GLRX3: variants seen among roughly 807,000 people sequenced by gnomAD.
GLRX3 encodes glutaredoxin 3.
In GLRX3, 22 loss-of-function variants were observed where a neutral mutation model predicts 49.5. The ratio of observed to expected loss-of-function variants is 0.44; its 90% CI spans 0.32 to 0.63. The LOEUF (loss-of-function observed/expected upper bound fraction) is 0.63, where lower values mean the gene tolerates loss of function less well. Among genes scored for constraint, GLRX3 ranks in the 30% least tolerant of loss-of-function variants. The pLI is 0.05. For missense variants in GLRX3, 385 were observed against 396.3 expected (o/e 0.97, Z 0.24); for synonymous variants, 133 against 140.0 (o/e 0.95, Z 0.35).
At chr10:130,146,029 G>A (rs779968783) in intron 2 of GLRX3, among the ~76,000 whole-genome samples, 2 of 152,072 alleles carry the variant, frequency 1.3e-5, no homozygotes, top group Non-Finnish European at 2.9e-5. Context: ...TCTTGACCTC[G>A]TGATCTGCTC....
At chr10:130,165,444 T>C (rs1013028689) in intron 4 of GLRX3, among the ~76,000 whole-genome samples, 21 of 152,140 alleles carry the variant, frequency 1.4e-4, no homozygotes, top group Admixed American at 1.3e-3. Flanking sequence ...GTCACAAAAG[T>C]ATAATAAAAT....
intron 10 of GLRX3, 105 bp downstream of exon 10, chr10:130,175,194 T>A: frequency 1.4e-6 from 1 of 719,404 alleles, no homozygotes; most frequent in South Asian, 1.6e-5. Context: ...TGACTCCTGT[T>A]TCCAGCCTGA....
chr10:130,137,919 A>G (rs1343393025), intron 1 of GLRX3, among the ~76,000 whole-genome samples: 1 of 151,854 alleles, frequency 6.6e-6, no homozygotes, highest in Non-Finnish European at 1.5e-5. Context: ...TTTTTTTTAT[A>G]GAGACGAGGT....
At chr10:130,141,064 C>T (rs999091169) in intron 1 of GLRX3, among the ~76,000 whole-genome samples, 14 of 152,126 alleles carry the variant, frequency 9.2e-5, no homozygotes, top group Non-Finnish European at 1.9e-4. Flanking sequence ...TGGCTGGGCA[C>T]GGTGGCTCAT....
chr10:130,168,737 G>T (rs73391524), intron 6 of GLRX3, among the ~76,000 whole-genome samples: 1 of 152,162 alleles, frequency 6.6e-6, no homozygotes, highest in South Asian at 2.1e-4. Context: ...GTGAGCCACC[G>T]CGCCCAACCT....
chr10:130,169,692 G>C (rs1862767409), intron 7 of GLRX3, among the ~76,000 whole-genome samples: 1 of 152,126 alleles, frequency 6.6e-6, no homozygotes, highest in Admixed American at 6.6e-5. Flanking sequence ...ATCTCAGTGG[G>C]GTGCATTTCT....
intron 1 of GLRX3, among the ~76,000 whole-genome samples, chr10:130,139,474 C>G (rs1468141946): frequency 4.6e-5 from 7 of 151,624 alleles, no homozygotes; most frequent in Non-Finnish European, 1.0e-4. Context: ...CCCGTCTTTA[C>G]TAAAGAAAAT....
chr10:130,152,554 T>G (rs1862397898), intron 2 of GLRX3, among the ~76,000 whole-genome samples: 1 of 152,200 alleles, frequency 6.6e-6, no homozygotes, highest in Admixed American at 6.5e-5. Flanking sequence ...TTATTTCTCC[T>G]TCACTTATGA....
intron 2 of GLRX3, among the ~76,000 whole-genome samples, chr10:130,155,392 C>T (rs536634828): frequency 4.6e-5 from 7 of 152,184 alleles, no homozygotes; most frequent in East Asian, 1.9e-4. Context: ...TGGTTTGAAG[C>T]GGGAAGGGTG....
chr10:130,139,220 T>TGCCCAG (rs1862127126), intron 1 of GLRX3, among the ~76,000 whole-genome samples: 1 of 152,132 alleles, frequency 6.6e-6, no homozygotes, highest in Non-Finnish European at 1.5e-5. Context: ...GGCCTGTACT[T>TGCCCAG]GAAATGGCCC....
intron 1 of GLRX3, among the ~76,000 whole-genome samples, chr10:130,140,684 T>G (rs919141798): frequency 1.4e-4 from 22 of 152,348 alleles, no homozygotes; most frequent in African/African-American, 5.3e-4. Context: ...CTTTTCTTTT[T>G]TACTTATTTG....
chr10:130,148,812 C>A (rs529074825), intron 2 of GLRX3, among the ~76,000 whole-genome samples: 1 of 152,180 alleles, frequency 6.6e-6, no homozygotes, highest in African/African-American at 2.4e-5. Flanking sequence ...CCTGTAATCC[C>A]AGCACTTTGG....
Position 130,136,398 on chromosome 10 carries a change from T to G in GLRX3, c.-23T>G, listed in dbSNP as rs963661675. On this transcript the variant is annotated 5_prime_UTR_variant, in exon 1 of 11. In the 5' UTR this introduces an upstream ATG that the reference lacks. Coordinates refer to ENST00000331244, the MANE Select transcript of GLRX3 (RefSeq NM_006541.5). Reference sequence around the variant, plus strand: ...CCACATCCGGCCGCCGGCACTGGATTGCTTCTGTCTGGCGGCGGCAGCATG... The same window carrying G: ...CCACATCCGGCCGCCGGCACTGGATGGCTTCTGTCTGGCGGCGGCAGCATG... The G allele has an allele frequency of 8.0e-7, 1 of 1,247,694 alleles. No homozygotes were observed. The allele number at this position is 1,247,694 out of a possible 1,614,324, so 77.3% of individuals were successfully genotyped here. A position where few individuals can be genotyped will look rare whatever the true frequency, so the allele number is the denominator to read the frequency against.
In GLRX3 at chr10:130,160,642, T is replaced by A. The variant is rs769782634; in HGVS notation, c.277-154T>A. On this transcript the variant is annotated intron_variant, in intron 3 of 10. Transcript: ENST00000331244. The stretch of plus-strand genomic sequence containing the variant: ...TTTCTGAGAAAAGAAAAAAATTATG[T>A]ATTTCTAAAATTGAGATGCAGTGCA... Among the ~76,000 whole-genome samples, 29 of 152,210 alleles carry A rather than the reference T, an allele frequency of 1.9e-4. 1 individual carries two copies. Among genetic ancestry groups the A allele is most frequent in the Non-Finnish European group, 5.9e-5 (4 of 68,036 alleles).
At chr10:130,143,296 T>C (rs1862209441) in intron 1 of GLRX3, among the ~76,000 whole-genome samples, 1 of 152,212 alleles carries the variant, frequency 6.6e-6, no homozygotes, top group African/African-American at 2.4e-5. Flanking sequence ...GTTATTCCTT[T>C]CCTTACCCAT....
At chr10:130,155,320 C>A (rs1862452450) in intron 2 of GLRX3, among the ~76,000 whole-genome samples, 1 of 152,104 alleles carries the variant, frequency 6.6e-6, no homozygotes, top group South Asian at 2.1e-4. Flanking sequence ...GGTCTTATTC[C>A]AAGTGCAATA....
At chr10:130,167,061 C>T in intron 6 of GLRX3, 81 bp downstream of exon 6, 1 of 678,826 alleles carries the variant, frequency 1.5e-6, no homozygotes, top group Non-Finnish European at 2.4e-6. Context: ...TTGCATTGCT[C>T]TTTCTGTGTA....
chr10:130,139,275 C>T (rs942470889), intron 1 of GLRX3, among the ~76,000 whole-genome samples: 3 of 152,000 alleles, frequency 2.0e-5, no homozygotes, highest in Admixed American at 6.6e-5. Context: ...CAAACGGACA[C>T]GTGATAAATG....
chr10:130,147,341 A>C (rs777084206), intron 2 of GLRX3, among the ~76,000 whole-genome samples: 1 of 152,236 alleles, frequency 6.6e-6, no homozygotes, highest in African/African-American at 2.4e-5. Context: ...GGTTTAGGTA[A>C]CACATTGTTC....
Sources: allele counts gnomAD v4.1 joint callset (sites outside exome capture counted in the v4.1 genomes callset), GRCh38; gene constraint gnomAD v4.1.1; transcripts MANE v1.5; gene names NCBI Gene and HGNC (gene_info 2026-07-23, HGNC 2026-07-21).